The following SLC26A7 variants were observed in gnomAD, a reference collection of about 807,000 sequenced individuals.
The protein encoded by SLC26A7 is solute carrier family 26 member 7, also known as anion exchange transporter.
Under a neutral mutation model 82.5 loss-of-function variants are expected in SLC26A7, and 59 were observed. The observed-to-expected ratio is 0.72, with a 90% CI of 0.58 to 0.89. The LOEUF (loss-of-function observed/expected upper bound fraction) is 0.89. Among genes scored for constraint, SLC26A7 ranks in the 40% least tolerant of loss-of-function variants. The pLI is 0.00. For synonymous variants in SLC26A7, 271 were observed against 274.3 expected, an observed-to-expected ratio of 0.99 and a Z score of 0.12; for missense variants, 820 against 793.0, an observed-to-expected ratio of 1.03 and a Z score of -0.41.
chr8:91,227,870 G>A (rs1382030477), intron 2 of SLC26A7, among the ~76,000 whole-genome samples: 1 of 152,118 alleles, frequency 6.6e-6, no homozygotes, highest in African/African-American at 2.4e-5. Context: ...ATCTCTGCAT[G>A]TTCCTTCTTG....
At chr8:91,328,669 T>G (rs1812997348) in intron 5 of SLC26A7, among the ~76,000 whole-genome samples, 1 of 152,116 alleles carries the variant, frequency 6.6e-6, no homozygotes, top group Admixed American at 6.6e-5. Flanking sequence ...GACACCATTC[T>G]AGAAGTTGAG....
chr8:91,368,435 T>C (rs1424322596), intron 14 of SLC26A7, among the ~76,000 whole-genome samples: 3 of 151,872 alleles, frequency 2.0e-5, no homozygotes, highest in Admixed American at 2.0e-4. Context: ...GTTTTTTTTT[T>C]TGAGACGGAG....
At chr8:91,266,187 T>A (rs931575234) in intron 2 of SLC26A7, among the ~76,000 whole-genome samples, 1 of 152,044 alleles carries the variant, frequency 6.6e-6, no homozygotes, top group Non-Finnish European at 1.5e-5. Flanking sequence ...CCAGCTTTGT[T>A]CTTTTTGCTC....
chr8:91,283,889 G>A (rs1228554080), intron 2 of SLC26A7, among the ~76,000 whole-genome samples: 1 of 152,060 alleles, frequency 6.6e-6, no homozygotes, highest in Non-Finnish European at 1.5e-5. Flanking sequence ...TTTTGGCTTT[G>A]CTTTTAAAAT....
intron 2 of SLC26A7, among the ~76,000 whole-genome samples, chr8:91,253,893 A>G (rs1434707898): frequency 6.6e-6 from 1 of 152,164 alleles, no homozygotes; most frequent in Admixed American, 6.6e-5. Context: ...AAGAATTAAA[A>G]CATTCTAGAA....
intron 2 of SLC26A7, among the ~76,000 whole-genome samples, chr8:91,283,631 G>T (rs1811632593): frequency 6.6e-6 from 1 of 152,062 alleles, no homozygotes; most frequent in African/African-American, 2.4e-5. Context: ...TTTGGGATGA[G>T]AACTTTAAAG....
intron 9 of SLC26A7, among the ~76,000 whole-genome samples, chr8:91,349,977 T>A (rs560332549): frequency 1.3e-5 from 2 of 152,218 alleles, no homozygotes; most frequent in Admixed American, 1.3e-4. Flanking sequence ...AAAATTCTTA[T>A]GTAAAATCAC....
At chr8:91,275,004 T>G (rs370743454) in intron 2 of SLC26A7, among the ~76,000 whole-genome samples, 112 of 152,294 alleles carry the variant, frequency 7.4e-4, no homozygotes, top group African/African-American at 2.4e-3. Flanking sequence ...ATAGATACCA[T>G]TCAACATCTG....
chr8:91,389,233 CT>C (rs1324932240), intron 15 of SLC26A7, 104 bp from the exon 16 acceptor site: 8 of 722,638 alleles, frequency 1.1e-5, no homozygotes, highest in Admixed American at 9.2e-5. Context: ...TTTAGAATTA[CT>C]GTTGTTAAAC....
At chr8:91,313,662 C>T (rs1054723118) in intron 4 of SLC26A7, among the ~76,000 whole-genome samples, 1 of 152,168 alleles carries the variant, frequency 6.6e-6, no homozygotes. Context: ...TAACAGTCCC[C>T]TTTCCCAACA....
In SLC26A7 at chr8:91,268,684, G is replaced by C. The variant is rs112084245; in HGVS notation, c.193+18840G>C. ...TTTGCATTTAATGTTATTATTGATA[G>C]GTAAGGATTTACTACTGTCATTTTG... On this transcript the variant is annotated intron_variant, in intron 2 of 18. Coordinates refer to ENST00000276609, the MANE Select transcript of SLC26A7 (RefSeq NM_052832.4). Among the ~76,000 whole-genome samples, 526 of 151,662 alleles carry C rather than the reference G, an allele frequency of 3.5e-3. 2 individuals are homozygous for C. Among genetic ancestry groups the C allele is most frequent in the African/African-American group, 0.012 (510 of 41,442 alleles).
chr8:91,366,825 C>T lies in SLC26A7; in HGVS notation c.1626+108C>T. The T allele has an allele frequency of 5.5e-6, 7 of 1,271,544 alleles. 1 individual carries two copies. The highest frequency in any genetic ancestry group is 2.8e-4 in the Middle Eastern group (1 of 3,512). 78.8% of individuals were successfully genotyped at this position (1,271,544 alleles called of 1,614,324 possible). A position where few individuals can be genotyped will look rare whatever the true frequency, so the allele number is the denominator to read the frequency against. On this transcript the variant is annotated intron_variant, in intron 14 of 18. Coordinates refer to ENST00000276609, the MANE Select transcript of SLC26A7 (RefSeq NM_052832.4). ...ATACATCACACGAGTATTTCGAGAC[C>T]TCTCCCTTCAGCAAAACCTATGATT... is the stretch of plus-strand genomic sequence containing the variant.
At chr8:91,360,674 G>A (rs1416465428) in intron 11 of SLC26A7, among the ~76,000 whole-genome samples, 4 of 152,088 alleles carry the variant, frequency 2.6e-5, no homozygotes, top group Non-Finnish European at 4.4e-5. Flanking sequence ...CTGGCCTCCA[G>A]GCTCTATGGT....
rs1201023029 is a variant in SLC26A7, at chr8:91,368,142, A to G, written c.1626+1425A>G. 2.6e-5 allele frequency among the ~76,000 whole-genome samples: 4 copies of G among 152,132 alleles called. No homozygotes were observed. The East Asian group carries it at 7.7e-4, about 29-fold the overall frequency. On this transcript the variant is annotated intron_variant, in intron 14 of 18. Coordinates refer to ENST00000276609, the MANE Select transcript of SLC26A7 (RefSeq NM_052832.4). Reference sequence around the variant, plus strand: ...TTTGTGAGAAAAACTATAGAGGTAAAGTGCCCTTCTCATCACACTGTATCA... The same window carrying G: ...TTTGTGAGAAAAACTATAGAGGTAAGGTGCCCTTCTCATCACACTGTATCA...
chr8:91,328,228 A>AT, intron 5 of SLC26A7, among the ~76,000 whole-genome samples: 1 of 152,174 alleles, frequency 6.6e-6, no homozygotes, highest in South Asian at 2.1e-4. Flanking sequence ...TTAGAAATTC[A>AT]CGGCAGTTGT....
chr8:91,230,763 T>G (rs1420794204), intron 2 of SLC26A7, among the ~76,000 whole-genome samples: 1 of 152,220 alleles, frequency 6.6e-6, no homozygotes, highest in African/African-American at 2.4e-5. Context: ...AGCTTATGCT[T>G]TATGTATACT....
intron 5 of SLC26A7, among the ~76,000 whole-genome samples, chr8:91,325,801 T>C (rs1415659211): frequency 6.6e-6 from 1 of 152,140 alleles, no homozygotes; most frequent in African/African-American, 2.4e-5. Context: ...AGATAGTCAT[T>C]GGTAAAATGT....
intron 2 of SLC26A7, among the ~76,000 whole-genome samples, chr8:91,244,193 G>T (rs1482069799): frequency 6.6e-6 from 1 of 152,032 alleles, no homozygotes; most frequent in African/African-American, 2.4e-5. Context: ...CCATGATACG[G>T]CCATAGTTTA....
At chr8:91,289,027 T>A in intron 2 of SLC26A7, 109 bp from the exon 3 acceptor site, 1 of 700,392 alleles carries the variant, frequency 1.4e-6, no homozygotes, top group East Asian at 2.6e-5. Context: ...GCAAGTAGAA[T>A]AAAGTATGAT....
Sources: gnomAD v4.1 joint callset for allele counts (sites outside exome capture counted in the v4.1 genomes callset) on GRCh38, gnomAD v4.1.1 for gene constraint, MANE v1.5 for transcripts, NCBI Gene and HGNC (gene_info 2026-07-23, HGNC 2026-07-21) for gene names.